AUTS2: variants seen among roughly 807,000 people sequenced by gnomAD.
AUTS2 encodes activator of transcription and developmental regulator AUTS2, also known as autism susceptibility gene 2 protein.
A neutral mutation model predicts 112.4 loss-of-function variants in AUTS2; 17 were observed. The observed-to-expected ratio is 0.15, with a 90% CI of 0.10 to 0.23. The LOEUF is 0.23. Ranked by LOEUF, AUTS2 falls within the 10% of genes least tolerant of loss-of-function variation. AUTS2 has a pLI of 1.00. For missense variants in AUTS2, 1,510 were observed against 1,701.6 expected, an observed-to-expected ratio of 0.89 and a Z score of 1.98; for synonymous variants, 751 against 702.7, an observed-to-expected ratio of 1.07 and a Z score of -1.09.
intron 1 of AUTS2, among the ~76,000 whole-genome samples, chr7:69,613,241 A>G (rs1793142208): frequency 1.3e-5 from 2 of 152,158 alleles, no homozygotes; most frequent in Admixed American, 1.3e-4. Context: ...AGTAGACCAC[A>G]TTTGTTCATT....
intron 1 of AUTS2, among the ~76,000 whole-genome samples, chr7:69,719,861 G>T (rs1195016091): frequency 1.3e-5 from 2 of 152,176 alleles, no homozygotes; most frequent in East Asian, 3.8e-4. Flanking sequence ...AAGGGAAACA[G>T]TGGCATAGCA....
At chr7:70,401,581 A>G (rs1794328624) in intron 4 of AUTS2, among the ~76,000 whole-genome samples, 1 of 152,254 alleles carries the variant, frequency 6.6e-6, no homozygotes, top group African/African-American at 2.4e-5. Context: ...TGGTGAAGAC[A>G]GATGAGACCG....
At chr7:69,949,533 C>T (rs1796947568) in intron 2 of AUTS2, among the ~76,000 whole-genome samples, 1 of 152,198 alleles carries the variant, frequency 6.6e-6, no homozygotes, top group Non-Finnish European at 1.5e-5. Context: ...TTGCCTTGCA[C>T]AATAAACTAC....
At chr7:70,455,623 G>A (rs762484826) in intron 5 of AUTS2, among the ~76,000 whole-genome samples, 8 of 152,068 alleles carry the variant, frequency 5.3e-5, no homozygotes, top group Admixed American at 1.3e-4. Flanking sequence ...TGGACATTCC[G>A]ATTCAGAAGT....
intron 4 of AUTS2, among the ~76,000 whole-genome samples, chr7:70,373,894 C>CT (rs997034988): frequency 1.8e-4 from 27 of 148,228 alleles, no homozygotes; most frequent in South Asian, 4.3e-4. Context: ...TAGAAGTCAT[C>CT]TTTTTTTTTT....
intron 4 of AUTS2, among the ~76,000 whole-genome samples, chr7:70,219,891 C>G (rs953416143): frequency 2.0e-4 from 31 of 152,016 alleles, no homozygotes; most frequent in African/African-American, 7.2e-4. Context: ...TTTTTAAGAT[C>G]AAAGTATGCA....
intron 4 of AUTS2, among the ~76,000 whole-genome samples, chr7:70,423,118 A>G (rs919456270): frequency 3.3e-5 from 5 of 152,184 alleles, no homozygotes; most frequent in Non-Finnish European, 7.3e-5. Flanking sequence ...TCCATATGGA[A>G]GAAGGAACAG....
chr7:69,861,407 A>ATCCC (rs1179309502), intron 1 of AUTS2, among the ~76,000 whole-genome samples: 2 of 152,192 alleles, frequency 1.3e-5, no homozygotes, highest in African/African-American at 4.8e-5. Context: ...CCTATAAAGC[A>ATCCC]GCCTGTCACT....
intron 1 of AUTS2, among the ~76,000 whole-genome samples, chr7:69,622,894 C>G (rs542389770): frequency 6.6e-6 from 1 of 152,300 alleles, no homozygotes; most frequent in East Asian, 1.9e-4. Context: ...CCTCAGCCTC[C>G]TAAGTAGTTG....
intron 2 of AUTS2, among the ~76,000 whole-genome samples, chr7:70,028,412 G>A (rs1237822564): frequency 1.3e-5 from 2 of 152,206 alleles, no homozygotes; most frequent in African/African-American, 4.8e-5. Context: ...CTTAGAAAGT[G>A]CTGTGCAGAG....
chr7:69,834,142 C>T (rs1236492391), intron 1 of AUTS2, among the ~76,000 whole-genome samples: 1 of 152,188 alleles, frequency 6.6e-6, no homozygotes, highest in East Asian at 1.9e-4. Context: ...CTCCCCTGCA[C>T]CTCTACGTCA....
At chr7:70,109,143 A>G (rs1371787564) in intron 2 of AUTS2, among the ~76,000 whole-genome samples, 1 of 152,356 alleles carries the variant, frequency 6.6e-6, no homozygotes, top group East Asian at 1.9e-4. Flanking sequence ...GGCCATTTAA[A>G]AAGTTATTGA....
intron 6 of AUTS2, among the ~76,000 whole-genome samples, chr7:70,706,270 C>T (rs1192432963): frequency 6.6e-6 from 1 of 152,156 alleles, no homozygotes; most frequent in African/African-American, 2.4e-5. Context: ...CGTGGTTATT[C>T]GGCTGGTAAA....
Position 70,776,053 on chromosome 7 carries a change from G to A in AUTS2, c.1932+667G>A, listed in dbSNP as rs79740378. ...AATTTGATTTCTCCAGGGGAAAAAG[G>A]AGAATTGTGTCATCACTTAGGTGAG... On this transcript the variant is annotated intron_variant, in intron 13 of 18. Coordinates refer to ENST00000342771, the MANE Select transcript of AUTS2 (RefSeq NM_015570.4). Among the ~76,000 whole-genome samples the A allele has an allele frequency of 7.5e-3, 1,139 of 152,298 alleles. 12 individuals are homozygous for A. The highest frequency in any genetic ancestry group is 0.025 in the African/African-American group (1,054 of 41,570).
intron 2 of AUTS2, among the ~76,000 whole-genome samples, chr7:69,963,191 G>A (rs1797499819): frequency 6.6e-6 from 1 of 152,082 alleles, no homozygotes; most frequent in South Asian, 2.1e-4. Context: ...TTTGGTTGTG[G>A]TTTCAGAGTT....
chr7:70,358,462 AC>A (rs1364331047), intron 4 of AUTS2, among the ~76,000 whole-genome samples: 2 of 152,060 alleles, frequency 1.3e-5, no homozygotes, highest in Non-Finnish European at 2.9e-5. Flanking sequence ...CTCCACCCAT[AC>A]TTTTTGCCCT....
intron 4 of AUTS2, among the ~76,000 whole-genome samples, chr7:70,283,096 C>T (rs1429207750): frequency 6.6e-6 from 1 of 152,130 alleles, no homozygotes; most frequent in Admixed American, 6.6e-5. Context: ...ACTGTTTGTA[C>T]CATTCAGAAT....
intron 4 of AUTS2, among the ~76,000 whole-genome samples, chr7:70,236,247 A>G (rs1228910642): frequency 6.6e-6 from 1 of 152,252 alleles, no homozygotes; most frequent in Non-Finnish European, 1.5e-5. Flanking sequence ...CATATTAGCC[A>G]TGAATTTAAT....
chr7:69,897,453 A>G (rs547438875), intron 1 of AUTS2, among the ~76,000 whole-genome samples: 12 of 152,068 alleles, frequency 7.9e-5, no homozygotes, highest in Non-Finnish European at 1.8e-4. Context: ...GTAGAGGGGC[A>G]AATAGACTCC....
Sources: allele counts gnomAD v4.1 joint callset (sites outside exome capture counted in the v4.1 genomes callset), GRCh38; gene constraint gnomAD v4.1.1; transcripts MANE v1.5; gene names NCBI Gene and HGNC (gene_info 2026-07-23, HGNC 2026-07-21).